Variants in KCNH8 observed in about 807,000 individuals in gnomAD.
KCNH8 encodes the protein potassium voltage-gated channel subfamily H member 8.
Under a neutral mutation model 103.6 loss-of-function variants are expected in KCNH8, and 70 were observed. The observed-to-expected ratio is 0.68, with a 90% confidence interval of 0.56 to 0.82. KCNH8 has a LOEUF of 0.82. Ranked by LOEUF, KCNH8 falls within the 40% of genes least tolerant of loss-of-function variation. The pLI, the probability that KCNH8 is intolerant of heterozygous loss-of-function variation, is 0.00. For synonymous variants in KCNH8, 498 were observed against 489.4 expected (o/e 1.02, Z -0.23); for missense variants, 1,217 against 1,329.9 (o/e 0.92, Z 1.32).
chr3:19,228,974 T>A lies in KCNH8; in HGVS notation c.77-24680T>A, dbSNP rs1180754527. 2.6e-5 allele frequency among the ~76,000 whole-genome samples: 4 copies of A among 152,356 alleles called. No homozygotes were observed. The East Asian group carries it at 7.7e-4, about 29-fold the overall frequency. On this transcript the variant is annotated intron_variant, in intron 1 of 15. Transcript: ENST00000328405. ...CGAAGCCGGATCTTGGAACTCCAAA[T>A]CAGCATCTTTTTGTAAAACATTATA...
chr3:19,224,436 A>G (rs2063907580), intron 1 of KCNH8, among the ~76,000 whole-genome samples: 1 of 152,194 alleles, frequency 6.6e-6, no homozygotes, highest in Admixed American at 6.5e-5. Context: ...GTCTATGTTT[A>G]AAGAGAAACA....
At chr3:19,162,463 C>T (rs1230860896) in intron 1 of KCNH8, among the ~76,000 whole-genome samples, 5 of 151,398 alleles carry the variant, frequency 3.3e-5, no homozygotes, top group African/African-American at 1.2e-4. Context: ...GCCAAGATCA[C>T]GCCACTGCAC....
At chr3:19,472,443 T>C (rs1459347152) in intron 11 of KCNH8, among the ~76,000 whole-genome samples, 1 of 152,146 alleles carries the variant, frequency 6.6e-6, no homozygotes, top group Non-Finnish European at 1.5e-5. Flanking sequence ...TCCTGTGCTG[T>C]TCTTATGATA....
chr3:19,289,921 T>C (rs536453203), intron 3 of KCNH8, among the ~76,000 whole-genome samples: 1 of 152,260 alleles, frequency 6.6e-6, no homozygotes, highest in South Asian at 2.1e-4. Context: ...TTTTATTTCA[T>C]TGAGCAGTGG....
chr3:19,288,931 G>T (rs1170586031), intron 3 of KCNH8, among the ~76,000 whole-genome samples: 1 of 152,136 alleles, frequency 6.6e-6, no homozygotes, highest in Non-Finnish European at 1.5e-5. Flanking sequence ...TCTAACTGGT[G>T]TGAGATGGTA....
At chr3:19,502,197 T>C (rs1354638657) in intron 11 of KCNH8, among the ~76,000 whole-genome samples, 2 of 150,746 alleles carry the variant, frequency 1.3e-5, no homozygotes, top group Admixed American at 1.3e-4. Flanking sequence ...ATAAAATACC[T>C]AGGAATCCAA....
intron 5 of KCNH8, among the ~76,000 whole-genome samples, chr3:19,373,029 A>T (rs1322686846): frequency 6.6e-6 from 1 of 151,538 alleles, no homozygotes; most frequent in African/African-American, 2.4e-5. Flanking sequence ...TTTATTGAGG[A>T]TTTTTGCATC....
At chr3:19,489,006 A>G (rs2068266440) in intron 11 of KCNH8, among the ~76,000 whole-genome samples, 1 of 152,150 alleles carries the variant, frequency 6.6e-6, no homozygotes, top group Non-Finnish European at 1.5e-5. Context: ...GGTTGATACA[A>G]AGGCACGCCT....
chr3:19,411,229 G>A (rs899228794), intron 7 of KCNH8, among the ~76,000 whole-genome samples: 1 of 152,014 alleles, frequency 6.6e-6, no homozygotes, highest in African/African-American at 2.4e-5. Flanking sequence ...AACAATAAAT[G>A]TGGTTTACAG....
At chr3:19,471,852 G>A (rs572412243) in intron 11 of KCNH8, among the ~76,000 whole-genome samples, 1 of 152,320 alleles carries the variant, frequency 6.6e-6, no homozygotes, top group East Asian at 1.9e-4. Context: ...TGCCAGCTAA[G>A]TTAATGGAGC....
At chr3:19,403,688 T>C (rs1216255399) in intron 7 of KCNH8, among the ~76,000 whole-genome samples, 1 of 151,672 alleles carries the variant, frequency 6.6e-6, no homozygotes, top group African/African-American at 2.4e-5. Flanking sequence ...CTCACACTGA[T>C]ATATTTTTAA....
intron 2 of KCNH8, among the ~76,000 whole-genome samples, chr3:19,261,787 G>T (rs893751018): frequency 2.6e-5 from 4 of 151,416 alleles, no homozygotes; most frequent in African/African-American, 7.3e-5. Context: ...TTTGTGTATG[G>T]TGTATGATAT....
At chr3:19,328,385 A>G (rs1297331686) in intron 3 of KCNH8, among the ~76,000 whole-genome samples, 2 of 152,084 alleles carry the variant, frequency 1.3e-5, no homozygotes, top group Non-Finnish European at 2.9e-5. Context: ...TTGTTTCCAA[A>G]CCGTTTCCAT....
chr3:19,267,012 C>T (rs978589062), intron 2 of KCNH8, among the ~76,000 whole-genome samples: 2 of 151,888 alleles, frequency 1.3e-5, no homozygotes, highest in Non-Finnish European at 1.5e-5. Flanking sequence ...GGGAAGTGAC[C>T]GGGTTGTTCT....
intron 5 of KCNH8, among the ~76,000 whole-genome samples, chr3:19,349,084 G>C (rs1222252600): frequency 6.6e-6 from 1 of 151,896 alleles, no homozygotes; most frequent in Non-Finnish European, 1.5e-5. Flanking sequence ...TAGGACCTCT[G>C]CTGTCACCCC....
chr3:19,505,110 A>T (rs1226140589), intron 11 of KCNH8, among the ~76,000 whole-genome samples: 2 of 151,642 alleles, frequency 1.3e-5, no homozygotes, highest in African/African-American at 4.8e-5. Context: ...CACACCATGG[A>T]ATACTACACC....
In KCNH8 at chr3:19,533,921, G is replaced by C. The variant is rs2069218795; in HGVS notation, c.3146G>C (p.Arg1049Thr). ...TCTTTGCACCTAGTTCTCCCAAGCAGATCAGAGGAGGGCAGCTTCAGTCAG... is the reference window on the plus strand; with the variant it reads ...TCTTTGCACCTAGTTCTCCCAAGCACATCAGAGGAGGGCAGCTTCAGTCAG... ...ETSLHLVLPSRSEEGSFSQGT... is the reference protein window; with the variant it reads ...ETSLHLVLPSTSEEGSFSQGT... Residue 1049 changes from arginine to threonine, a missense_variant, in exon 16 of 16, where the codon AGA (arginine) becomes ACA (threonine). Transcript: ENST00000328405. 1.2e-6 allele frequency: 2 copies of C among 1,614,158 alleles called. No homozygotes were observed. Among genetic ancestry groups the C allele is most frequent in the East Asian group, 4.5e-5 (2 of 44,856 alleles).
intron 11 of KCNH8, among the ~76,000 whole-genome samples, chr3:19,481,264 C>T (rs1334054132): frequency 6.6e-6 from 1 of 151,998 alleles, no homozygotes; most frequent in East Asian, 1.9e-4. Flanking sequence ...TATTTATCAC[C>T]TAAATAATAT....
chr3:19,357,065 C>T (rs2065890000), intron 5 of KCNH8, among the ~76,000 whole-genome samples: 2 of 151,824 alleles, frequency 1.3e-5, no homozygotes, highest in South Asian at 4.1e-4. Flanking sequence ...TAAATTATGA[C>T]TGTTCTAAAC....
Sources: gnomAD v4.1 joint callset for allele counts (sites outside exome capture counted in the v4.1 genomes callset) on GRCh38, gnomAD v4.1.1 for gene constraint, MANE v1.5 for transcripts, NCBI Gene and HGNC (gene_info 2026-07-23, HGNC 2026-07-21) for gene names.